Variants in FRMD4A observed in about 807,000 individuals in gnomAD.
FRMD4A encodes FERM domain-containing protein 4A.
In FRMD4A, 29 loss-of-function variants were observed where a neutral mutation model predicts 129.1. The ratio of observed to expected loss-of-function variants is 0.22; its 90% confidence interval spans 0.17 to 0.31. The LOEUF (loss-of-function observed/expected upper bound fraction) is 0.31. FRMD4A is among the 10% of genes least tolerant of loss of function. The pLI is 1.00. For missense variants in FRMD4A, 1,272 were observed against 1,375.8 expected, an observed-to-expected ratio of 0.92 and a Z score of 1.19; for synonymous variants, 634 against 571.6, an observed-to-expected ratio of 1.11 and a Z score of -1.56.
At chr10:14,014,342 C>G (rs1290938420) in intron 2 of FRMD4A, among the ~76,000 whole-genome samples, 1 of 152,074 alleles carries the variant, frequency 6.6e-6, no homozygotes, top group Non-Finnish European at 1.5e-5. Context: ...TATCACACGC[C>G]CCCCATTAAT....
chr10:14,239,488 G>C, intron 2 of FRMD4A, among the ~76,000 whole-genome samples: 1 of 152,266 alleles, frequency 6.6e-6, no homozygotes. Context: ...TTAGCTGGGC[G>C]TGGTGGTGGG....
At chr10:14,171,460 G>A (rs573073073) in intron 2 of FRMD4A, among the ~76,000 whole-genome samples, 1 of 152,326 alleles carries the variant, frequency 6.6e-6, no homozygotes, top group East Asian at 1.9e-4. Flanking sequence ...GTGATTAGGG[G>A]AGGCCAGCTG....
At chr10:14,285,738 T>G (rs1002132275) in intron 2 of FRMD4A, among the ~76,000 whole-genome samples, 1 of 152,236 alleles carries the variant, frequency 6.6e-6, no homozygotes, top group African/African-American at 2.4e-5. Context: ...AAATATTAAC[T>G]CCCTTGTTGA....
intron 2 of FRMD4A, among the ~76,000 whole-genome samples, chr10:14,152,388 A>G (rs141587803): frequency 0.023 from 3,521 of 152,186 alleles, 65 homozygotes; most frequent in Non-Finnish European, 0.036. Flanking sequence ...TCAGCCTCCC[A>G]AAGTGCTGGG....
intron 2 of FRMD4A, among the ~76,000 whole-genome samples, chr10:13,974,717 G>T (rs964091736): frequency 2.0e-5 from 3 of 152,112 alleles, no homozygotes; most frequent in Non-Finnish European, 2.9e-5. Flanking sequence ...AGTAGAGATG[G>T]GGTTTCACCA....
chr10:13,676,348 G>A (rs564298518), intron 15 of FRMD4A, among the ~76,000 whole-genome samples: 18 of 151,236 alleles, frequency 1.2e-4, no homozygotes, highest in East Asian at 3.9e-4. Flanking sequence ...TGCAACCTCC[G>A]CCTCCTAGGT....
At chr10:13,892,764 G>A (rs1315158895) in intron 2 of FRMD4A, among the ~76,000 whole-genome samples, 3 of 152,122 alleles carry the variant, frequency 2.0e-5, no homozygotes, top group Non-Finnish European at 2.9e-5. Flanking sequence ...TCTAGTACTT[G>A]GTAGATCTAG....
chr10:14,151,420 T>C (rs375240559), intron 2 of FRMD4A, among the ~76,000 whole-genome samples: 1 of 152,184 alleles, frequency 6.6e-6, no homozygotes, highest in Non-Finnish European at 1.5e-5. Context: ...CAAAAGCATG[T>C]TCTCACTTTT....
intron 2 of FRMD4A, among the ~76,000 whole-genome samples, chr10:14,272,704 A>G (rs1845204190): frequency 6.6e-6 from 1 of 152,168 alleles, no homozygotes; most frequent in African/African-American, 2.4e-5. Context: ...TGGCAATTTC[A>G]GTGAGTGACA....
At chr10:14,213,433 G>C (rs1234404814) in intron 2 of FRMD4A, among the ~76,000 whole-genome samples, 1 of 152,158 alleles carries the variant, frequency 6.6e-6, no homozygotes, top group African/African-American at 2.4e-5. Context: ...TGAGCTCAGA[G>C]AGGGTAAGTA....
chr10:13,732,297 T>A (rs539567821), intron 12 of FRMD4A, among the ~76,000 whole-genome samples: 82 of 145,046 alleles, frequency 5.7e-4, no homozygotes, highest in Non-Finnish European at 8.9e-4. Context: ...AGCTACTCTT[T>A]CTTGGTGCCT....
chr10:14,292,799 C>CA (rs149436368), intron 2 of FRMD4A, among the ~76,000 whole-genome samples: 4,662 of 145,504 alleles, frequency 0.032, 243 homozygotes, highest in African/African-American at 0.11. Flanking sequence ...GACTCTGCCT[C>CA]AAAAAAAAAA....
intron 3 of FRMD4A, among the ~76,000 whole-genome samples, chr10:13,855,356 G>A (rs1205901062): frequency 2.6e-5 from 4 of 152,098 alleles, no homozygotes; most frequent in African/African-American, 9.7e-5. Flanking sequence ...GAAGATCTGA[G>A]GTATAGCCTT....
At chr10:13,732,411 G>A (rs966924742) in intron 12 of FRMD4A, among the ~76,000 whole-genome samples, 2 of 152,152 alleles carry the variant, frequency 1.3e-5, no homozygotes, top group East Asian at 1.9e-4. Flanking sequence ...GTGTGCCGAC[G>A]GGTTGCCAAT....
Position 14,203,578 on chromosome 10 carries a change from G to A in FRMD4A, c.45+126480C>T, listed in dbSNP as rs557448369. 3.9e-5 allele frequency among the ~76,000 whole-genome samples: 6 copies of A among 152,306 alleles called. No homozygotes were observed. In the East Asian group the frequency reaches 5.8e-4, roughly 15 times the overall value. On this transcript the variant is annotated intron_variant, in intron 2 of 24. Transcript: ENST00000357447. ...AACCTAAAGAACAGACATTAACTCG[G>A]CTAAATTTGCCCTTACTTTCTTACA...
intron 2 of FRMD4A, among the ~76,000 whole-genome samples, chr10:13,997,200 G>A (rs938899896): frequency 1.3e-5 from 2 of 152,004 alleles, no homozygotes; most frequent in East Asian, 1.9e-4. Flanking sequence ...GACAATTGCA[G>A]CTCCATTTTT....
At chr10:13,734,838 T>TTTTA (rs1229110504) in intron 12 of FRMD4A, among the ~76,000 whole-genome samples, 107 of 141,860 alleles carry the variant, frequency 7.5e-4, no homozygotes, top group African/African-American at 2.2e-3. Context: ...CTTCTTCTTT[T>TTTTA]TCTATTTATT....
At chr10:13,892,142 C>T (rs1381511191) in intron 2 of FRMD4A, among the ~76,000 whole-genome samples, 1 of 151,906 alleles carries the variant, frequency 6.6e-6, no homozygotes, top group African/African-American at 2.4e-5. Context: ...AGGCTGCGCG[C>T]GTCCAAAGCG....
intron 6 of FRMD4A, among the ~76,000 whole-genome samples, chr10:13,781,630 G>A (rs764880724): frequency 2.0e-5 from 3 of 151,860 alleles, no homozygotes; most frequent in African/African-American, 7.3e-5. Flanking sequence ...CGCCTGCCTC[G>A]GCCTCCCAAA....
Sources: gnomAD v4.1 joint callset for allele counts (sites outside exome capture counted in the v4.1 genomes callset) on GRCh38, gnomAD v4.1.1 for gene constraint, MANE v1.5 for transcripts, NCBI Gene and HGNC (gene_info 2026-07-23, HGNC 2026-07-21) for gene names.